Variants in KLRG1 observed in about 807,000 individuals in gnomAD.
KLRG1 encodes the protein killer cell lectin like receptor G1.
A neutral mutation model predicts 21.8 loss-of-function variants in KLRG1; 16 were observed. The observed-to-expected ratio is 0.73, with a 90% confidence interval of 0.50 to 1.11. The LOEUF is 1.11. KLRG1 is among the 50% of genes most tolerant of loss of function. KLRG1 has a pLI of 0.00. For missense variants in KLRG1, 173 were observed against 218.3 expected (o/e 0.79, Z 1.31); for synonymous variants, 69 against 75.9 (o/e 0.91, Z 0.47).
chr12:9,180,847 A>G, the KLRG1 span: 3 of 826,272 alleles, frequency 3.6e-6, no homozygotes, highest in African/African-American at 1.7e-5. Flanking sequence ...AGAAACTACC[A>G]TCAGAGTGAA....
At chr12:8,960,490 T>A (rs1946364890) in intron 1 of KLRG1, among the ~76,000 whole-genome samples, 2 of 152,220 alleles carry the variant, frequency 1.3e-5, no homozygotes, top group Non-Finnish European at 2.9e-5. Flanking sequence ...TCTTAATATA[T>A]GGGATTTTCA....
At chr12:9,207,153 A>C in the KLRG1 span, among the ~76,000 whole-genome samples, 1 of 152,190 alleles carries the variant, frequency 6.6e-6, no homozygotes, top group Admixed American at 6.5e-5. Context: ...TTTGTGTTAG[A>C]TGGATAAGGG....
At chr12:9,152,910 G>A in the KLRG1 span, 3 of 1,614,070 alleles carry the variant, frequency 1.9e-6, no homozygotes, top group Non-Finnish European at 2.5e-6. Context: ...AAGCAAATGG[G>A]GAGTCCTCTT....
intron 3 of KLRG1, among the ~76,000 whole-genome samples, chr12:9,000,986 A>C (rs931748444): frequency 6.6e-6 from 1 of 152,228 alleles, no homozygotes; most frequent in African/African-American, 2.4e-5. Context: ...GTAACCTGTC[A>C]GATTTTCCTT....
At chr12:9,086,574 T>C in the KLRG1 span, among the ~76,000 whole-genome samples, 1 of 152,324 alleles carries the variant, frequency 6.6e-6, no homozygotes, top group African/African-American at 2.4e-5. Flanking sequence ...AGAAAAAGTA[T>C]TTGACAGAAT....
the KLRG1 span, chr12:9,160,243 G>T: frequency 7.3e-7 from 1 of 1,373,116 alleles, no homozygotes; most frequent in South Asian, 1.3e-5. Flanking sequence ...AATATTTGAT[G>T]ATATAACTGA....
chr12:8,994,904 AAT>A (rs1031883330), intron 2 of KLRG1, among the ~76,000 whole-genome samples: 6 of 152,126 alleles, frequency 3.9e-5, no homozygotes, highest in Admixed American at 3.9e-4. Context: ...TGTGTAGTGG[AAT>A]ATATACTTAG....
the KLRG1 span, among the ~76,000 whole-genome samples, chr12:9,132,132 A>G: frequency 2.6e-5 from 4 of 152,352 alleles, no homozygotes; most frequent in Admixed American, 2.0e-4. Flanking sequence ...GCAAAGTAAC[A>G]AGCAGGGGGA....
chr12:9,159,672 G>T, the KLRG1 span, among the ~76,000 whole-genome samples: 1 of 151,876 alleles, frequency 6.6e-6, no homozygotes, highest in East Asian at 1.9e-4. Context: ...ACCCAAGTGA[G>T]CCCATTCAAT....
chr12:9,059,872 G>A, the KLRG1 span, among the ~76,000 whole-genome samples: 1 of 151,734 alleles, frequency 6.6e-6, no homozygotes, highest in Non-Finnish European at 1.5e-5. Flanking sequence ...TAGAGATGAG[G>A]TTTTGCCATG....
At chr12:9,066,898 C>G in the KLRG1 span, 1 of 152,230 alleles carries the variant, frequency 6.6e-6, no homozygotes, top group Non-Finnish European at 1.5e-5. Context: ...TTGGCTCAAT[C>G]CTCCTGCTTT....
the KLRG1 span, chr12:9,055,879 A>G: frequency 6.6e-6 from 1 of 152,534 alleles, no homozygotes; most frequent in South Asian, 2.1e-4. Context: ...TCCATCAGAT[A>G]TCTACCCTAA....
chr12:8,950,286 C>T (rs949269444), intron 1 of KLRG1: 3 of 152,200 alleles, frequency 2.0e-5, no homozygotes, highest in Admixed American at 6.5e-5. Flanking sequence ...CTCTGTCGTT[C>T]CTTACTGCTT....
intron 1 of KLRG1, among the ~76,000 whole-genome samples, chr12:8,952,588 A>C (rs1946223233): frequency 2.6e-5 from 4 of 152,234 alleles, no homozygotes; most frequent in African/African-American, 9.6e-5. Flanking sequence ...TTTATAGAGA[A>C]GATGCAAGGA....
At chr12:8,984,061 C>T (rs368178786) in intron 1 of KLRG1, among the ~76,000 whole-genome samples, 3 of 152,186 alleles carry the variant, frequency 2.0e-5, no homozygotes, top group Non-Finnish European at 4.4e-5. Flanking sequence ...TGGCATTGTT[C>T]ATAGGTCACT....
chr12:8,984,630 C>T (rs941720173), upstream of KLRG1, among the ~76,000 whole-genome samples: 1 of 152,114 alleles, frequency 6.6e-6, no homozygotes, highest in African/African-American at 2.4e-5. Context: ...GTAGTTTCTA[C>T]TTCTCTGAGA....
At chr12:9,202,693 CA>C in the KLRG1 span, 1 of 1,612,024 alleles carries the variant, frequency 6.2e-7, no homozygotes, top group Non-Finnish European at 8.5e-7. Context: ...AGCTAAAAAG[CA>C]AAGGATTTTT....
chr12:9,090,078 C>G, the KLRG1 span: 1 of 1,556,294 alleles, frequency 6.4e-7, no homozygotes, highest in Non-Finnish European at 8.7e-7. Context: ...TCCATGCCTC[C>G]AAACTCAAGA....
chr12:9,185,042 C>T, the KLRG1 span, among the ~76,000 whole-genome samples: 1 of 152,222 alleles, frequency 6.6e-6, no homozygotes, highest in Non-Finnish European at 1.5e-5. Context: ...TCCAAACAAT[C>T]ACACCAGTTC....
Sources: gnomAD v4.1 joint callset for allele counts (sites outside exome capture counted in the v4.1 genomes callset) on GRCh38, gnomAD v4.1.1 for gene constraint, MANE v1.5 for transcripts, NCBI Gene and HGNC (gene_info 2026-07-23, HGNC 2026-07-21) for gene names.